C1QTNF3: variants seen among roughly 807,000 people sequenced by gnomAD.
C1QTNF3 encodes C1q and TNF related 3, also known as complement C1q tumor necrosis factor-related protein 3.
In C1QTNF3, 26 loss-of-function variants were observed where a neutral mutation model predicts 32.6. That is an observed-to-expected ratio of 0.80 (90% CI 0.58 to 1.11). The LOEUF (loss-of-function observed/expected upper bound fraction) is 1.11, where lower values mean the gene tolerates loss of function less well. Ranked by LOEUF, C1QTNF3 falls within the 50% of genes least tolerant of loss-of-function variation. The pLI, the probability that C1QTNF3 is intolerant of heterozygous loss-of-function variation, is 0.00. For missense variants in C1QTNF3, 362 were observed against 398.2 expected (o/e 0.91, Z 0.77); for synonymous variants, 155 against 146.0 (o/e 1.06, Z -0.44).
the C1QTNF3 span, among the ~76,000 whole-genome samples, chr5:34,120,683 G>C: frequency 3.3e-4 from 50 of 152,202 alleles, no homozygotes; most frequent in South Asian, 3.5e-3. Flanking sequence ...AGGTGTTTCC[G>C]TGAACAAGTT....
At chr5:34,118,951 G>A in the C1QTNF3 span, among the ~76,000 whole-genome samples, 1 of 151,840 alleles carries the variant, frequency 6.6e-6, no homozygotes, top group Non-Finnish European at 1.5e-5. Flanking sequence ...TATGTGTAGT[G>A]TGTGTGTTTG....
chr5:34,225,280 T>C, the C1QTNF3 span, among the ~76,000 whole-genome samples: 10 of 152,014 alleles, frequency 6.6e-5, no homozygotes, highest in Non-Finnish European at 1.3e-4. Context: ...AAATGAGTTA[T>C]ATAGGTAAAA....
At chr5:34,171,476 C>G in the C1QTNF3 span, among the ~76,000 whole-genome samples, 1 of 151,796 alleles carries the variant, frequency 6.6e-6, no homozygotes, top group Non-Finnish European at 1.5e-5. Context: ...ATTTCTAAAC[C>G]AAACATTCCA....
the C1QTNF3 span, among the ~76,000 whole-genome samples, chr5:34,118,890 ATCTC>A: frequency 6.6e-6 from 1 of 152,020 alleles, no homozygotes; most frequent in Non-Finnish European, 1.5e-5. Context: ...AGTGTTCACT[ATCTC>A]TCTATCTAAA....
At chr5:34,130,838 T>TCTCTATGTCCTC in the C1QTNF3 span, among the ~76,000 whole-genome samples, 50 of 152,240 alleles carry the variant, frequency 3.3e-4, no homozygotes, top group Non-Finnish European at 6.2e-4. Context: ...GCACTGGCTC[T>TCTCTATGTCCTC]CTCTATGTCC....
chr5:34,141,050 T>A, the C1QTNF3 span, among the ~76,000 whole-genome samples: 6 of 152,166 alleles, frequency 3.9e-5, no homozygotes, highest in African/African-American at 1.4e-4. Flanking sequence ...GTGGACTTAA[T>A]AACAGAAATT....
the C1QTNF3 span, among the ~76,000 whole-genome samples, chr5:34,243,565 AG>A: frequency 6.6e-6 from 1 of 152,390 alleles, no homozygotes; most frequent in Non-Finnish European, 1.5e-5. Context: ...GAATGAACCT[AG>A]GTGCCCATCA....
chr5:34,197,824 T>C, the C1QTNF3 span, among the ~76,000 whole-genome samples: 1 of 152,220 alleles, frequency 6.6e-6, no homozygotes, highest in South Asian at 2.1e-4. Flanking sequence ...TGGTGCAAAA[T>C]CAAGGTGCTT....
At chr5:34,095,118 G>A in the C1QTNF3 span, among the ~76,000 whole-genome samples, 2 of 152,030 alleles carry the variant, frequency 1.3e-5, no homozygotes, top group African/African-American at 4.8e-5. Flanking sequence ...AAATTGTATT[G>A]TACCTGCATA....
the C1QTNF3 span, among the ~76,000 whole-genome samples, chr5:34,056,475 TATATAGAGAGAG>T: frequency 1.0e-3 from 101 of 101,242 alleles, no homozygotes; most frequent in South Asian, 2.2e-3. Context: ...TATATATATA[TATATAGAGAGAG>T]AGAGAGAGAG....
chr5:34,028,162 C>T lies in C1QTNF3; in HGVS notation c.700+592G>A, dbSNP rs140928934. Among the ~76,000 whole-genome samples the T allele has an allele frequency of 6.1e-3, 927 of 152,256 alleles. 8 individuals are homozygous for T. The highest frequency in any genetic ancestry group is 0.021 in the African/African-American group (881 of 41,550). On this transcript the variant is annotated intron_variant, in intron 4 of 5. Coordinates refer to ENST00000382065, the MANE Select transcript of C1QTNF3 (RefSeq NM_181435.6). ...TAATATTTTGTATTTTTAGTAAAGA[C>T]GGGGTTTCACCATGTCAGCCAGGAT...
the C1QTNF3 span, among the ~76,000 whole-genome samples, chr5:34,223,291 T>C: frequency 2.0e-5 from 3 of 151,264 alleles, no homozygotes; most frequent in Admixed American, 1.3e-4. Flanking sequence ...GTCCTTGTGA[T>C]AGTTGACTGA....
At chr5:34,033,011 T>A (rs1754653399) in intron 3 of C1QTNF3, 1 of 315,170 alleles carries the variant, frequency 3.2e-6, no homozygotes, top group Non-Finnish European at 5.8e-6. Context: ...AAACATCTTA[T>A]TTGGGAAAAT....
At chr5:34,108,575 C>T in the C1QTNF3 span, among the ~76,000 whole-genome samples, 1 of 151,950 alleles carries the variant, frequency 6.6e-6, no homozygotes, top group Non-Finnish European at 1.5e-5. Context: ...CTAGTATTTT[C>T]TCGTCATAAA....
At chr5:34,036,397 C>T (rs954602617) in intron 1 of C1QTNF3, among the ~76,000 whole-genome samples, 4 of 152,052 alleles carry the variant, frequency 2.6e-5, no homozygotes, top group African/African-American at 7.2e-5. Context: ...ATATTTATCA[C>T]GTATAACATG....
intron 4 of C1QTNF3, among the ~76,000 whole-genome samples, chr5:34,028,024 G>C (rs1754515180): frequency 6.6e-6 from 1 of 152,050 alleles, no homozygotes; most frequent in South Asian, 2.1e-4. Context: ...CCAGGCTGGA[G>C]TGCAGTCGCG....
upstream of C1QTNF3, among the ~76,000 whole-genome samples, chr5:34,047,175 CAA>C (rs1755001111): frequency 2.6e-5 from 4 of 152,334 alleles, no homozygotes; most frequent in African/African-American, 9.6e-5. Context: ...TGAAAGTTCA[CAA>C]AAGACACCTG....
At chr5:34,054,549 A>C in the C1QTNF3 span, among the ~76,000 whole-genome samples, 1 of 152,228 alleles carries the variant, frequency 6.6e-6, no homozygotes, top group African/African-American at 2.4e-5. Context: ...TATTTATAAA[A>C]ACAAATGGCA....
the C1QTNF3 span, among the ~76,000 whole-genome samples, chr5:34,074,150 G>A: frequency 6.6e-6 from 1 of 152,108 alleles, no homozygotes; most frequent in Admixed American, 6.5e-5. Context: ...TATTATTATT[G>A]TACTGGTGAG....
Sources: gnomAD v4.1 joint callset for allele counts (sites outside exome capture counted in the v4.1 genomes callset) on GRCh38, gnomAD v4.1.1 for gene constraint, MANE v1.5 for transcripts, NCBI Gene and HGNC (gene_info 2026-07-23, HGNC 2026-07-21) for gene names.